SCAI: variants seen among roughly 807,000 people sequenced by gnomAD.
The protein encoded by SCAI is protein SCAI.
A neutral mutation model predicts 92.2 loss-of-function variants in SCAI; 24 were observed. That is an observed-to-expected ratio of 0.26 (90% CI 0.19 to 0.37). The LOEUF is 0.37. Ranked by LOEUF, SCAI falls within the 10% of genes least tolerant of loss-of-function variation. The pLI, the probability that SCAI is intolerant of heterozygous loss-of-function variation, is 1.00. For missense variants in SCAI, 450 were observed against 736.2 expected, an observed-to-expected ratio of 0.61 and a Z score of 4.50; for synonymous variants, 261 against 258.6, an observed-to-expected ratio of 1.01 and a Z score of -0.09.
At chr9:125,104,419 C>T (rs1834734633) in intron 2 of SCAI, among the ~76,000 whole-genome samples, 1 of 152,122 alleles carries the variant, frequency 6.6e-6, no homozygotes, top group Non-Finnish European at 1.5e-5. Flanking sequence ...ATACCTTTGC[C>T]ACTGCTTATT....
chr9:125,073,191 G>A (rs998169189), intron 2 of SCAI, among the ~76,000 whole-genome samples: 5 of 124,326 alleles, frequency 4.0e-5, no homozygotes, highest in East Asian at 2.8e-4. Flanking sequence ...TGCAAGCTCC[G>A]CCTCCCGGGT....
intron 17 of SCAI, among the ~76,000 whole-genome samples, chr9:124,961,501 T>C (rs1831434090): frequency 6.6e-6 from 1 of 150,782 alleles, no homozygotes; most frequent in Non-Finnish European, 1.5e-5. Context: ...AATACAAAAA[T>C]TAGCTGGGCG....
At position 125,030,818 on chromosome 9, in the gene SCAI, G is replaced by A. The variant is rs555769206; in HGVS notation, c.231-1079C>T. ...CTATTAGCTACACTTAAAATACAAT[G>A]AGAAAAAGATGAACTCAGAAAAGAA... On this transcript the variant is annotated intron_variant, in intron 3 of 17. Transcript: ENST00000336505. Among the ~76,000 whole-genome samples the A allele has an allele frequency of 8.5e-5, 13 of 152,244 alleles. No individual in the cohort carries two copies. The East Asian group carries it at 1.2e-3, about 14-fold the overall frequency.
intron 2 of SCAI, among the ~76,000 whole-genome samples, chr9:125,115,100 C>T (rs1037938250): frequency 5.3e-5 from 8 of 151,604 alleles, no homozygotes; most frequent in African/African-American, 1.7e-4. Flanking sequence ...CAGCCGGGCG[C>T]GGTGGTTCAT....
At position 125,072,304 on chromosome 9, in the gene SCAI, A is replaced by G. The variant is rs536666749; in HGVS notation, c.99-16297T>C. Reference sequence around the variant, plus strand: ...CCCAATGTGCTGGGATTACAGGCGTAAGATAGTAGAGATTCTTATGCTGAG... The same window carrying G: ...CCCAATGTGCTGGGATTACAGGCGTGAGATAGTAGAGATTCTTATGCTGAG... On this transcript the variant is annotated intron_variant, in intron 2 of 17. Coordinates refer to ENST00000336505, the MANE Select transcript of SCAI (RefSeq NM_001144877.3). Among the ~76,000 whole-genome samples the G allele has an allele frequency of 6.6e-5, 10 of 152,218 alleles. No homozygotes were observed. The South Asian group carries it at 1.2e-3, about 19-fold the overall frequency.
intron 2 of SCAI, among the ~76,000 whole-genome samples, chr9:125,133,769 C>A (rs1835457263): frequency 1.3e-5 from 2 of 152,114 alleles, no homozygotes; most frequent in Admixed American, 1.3e-4. Flanking sequence ...AATCACAAGA[C>A]CAAGTATTGG....
intron 14 of SCAI, among the ~76,000 whole-genome samples, chr9:124,984,497 C>T (rs187901203): frequency 6.6e-6 from 1 of 152,182 alleles, no homozygotes; most frequent in Admixed American, 6.5e-5. Flanking sequence ...CAGGATGAGG[C>T]AGAGGAGGTA....
chr9:125,131,393 G>A (rs1835397679), intron 2 of SCAI, among the ~76,000 whole-genome samples: 1 of 145,618 alleles, frequency 6.9e-6, no homozygotes, highest in Non-Finnish European at 1.5e-5. Flanking sequence ...GGGCAACAGA[G>A]CAAGACTCCG....
At chr9:125,077,667 C>T (rs1054435978) in intron 2 of SCAI, among the ~76,000 whole-genome samples, 1 of 152,084 alleles carries the variant, frequency 6.6e-6, no homozygotes, top group East Asian at 1.9e-4. Flanking sequence ...TTTATTGGGG[C>T]TTTGTATATT....
At chr9:125,110,968 C>A (rs1406875999) in intron 2 of SCAI, among the ~76,000 whole-genome samples, 1 of 152,130 alleles carries the variant, frequency 6.6e-6, no homozygotes, top group Non-Finnish European at 1.5e-5. Flanking sequence ...TAAAAAAGAA[C>A]ACCAGTATTA....
At chr9:124,957,985 A>G (rs980229495) in intron 17 of SCAI, among the ~76,000 whole-genome samples, 2 of 152,146 alleles carry the variant, frequency 1.3e-5, no homozygotes, top group Admixed American at 6.6e-5. Context: ...GTCCAGCCAA[A>G]TAATTCAATT....
chr9:124,967,593 G>C (rs1831565912), intron 17 of SCAI, among the ~76,000 whole-genome samples: 1 of 151,750 alleles, frequency 6.6e-6, no homozygotes, highest in Non-Finnish European at 1.5e-5. Context: ...TCTTGTCATT[G>C]GAAGTTTTTT....
At chr9:125,119,757 A>C (rs1835120336) in intron 2 of SCAI, among the ~76,000 whole-genome samples, 1 of 152,242 alleles carries the variant, frequency 6.6e-6, no homozygotes, top group Non-Finnish European at 1.5e-5. Flanking sequence ...TAAACACTAC[A>C]TAAGCACTCA....
chr9:125,010,135 A>C lies in SCAI; in HGVS notation c.862-6565T>G, dbSNP rs112765389. ...GAAGACGGGTGATTTCTGCATTTCCATCTGAGGTACCGGGTTCATCTCACT... is the reference window on the plus strand; with the variant it reads ...GAAGACGGGTGATTTCTGCATTTCCCTCTGAGGTACCGGGTTCATCTCACT... On this transcript the variant is annotated intron_variant, in intron 9 of 17. Transcript: ENST00000336505. Among the ~76,000 whole-genome samples, 15 of 152,308 alleles carry C rather than the reference A, an allele frequency of 9.8e-5. 1 individual carries two copies. The highest frequency in any genetic ancestry group is 3.6e-4 in the African/African-American group (15 of 41,574).
In SCAI at chr9:125,104,424, C is replaced by T. The variant is rs1834734745; in HGVS notation, c.98+38209G>A. 3.9e-5 allele frequency among the ~76,000 whole-genome samples: 6 copies of T among 152,178 alleles called. No individual in the cohort carries two copies. In the South Asian group the frequency reaches 1.0e-3, roughly 26 times the overall value. On this transcript the variant is annotated intron_variant, in intron 2 of 17. Coordinates refer to ENST00000336505, the MANE Select transcript of SCAI (RefSeq NM_001144877.3). ...GTTTATAGTTATACCTTTGCCACTG[C>T]TTATTCTTAACTCTAGCCTTTAACT... is the stretch of plus-strand genomic sequence containing the variant.
chr9:125,114,840 C>T (rs570168577), intron 2 of SCAI, among the ~76,000 whole-genome samples: 3 of 141,908 alleles, frequency 2.1e-5, no homozygotes, highest in African/African-American at 7.9e-5. Context: ...GTGGCATGAT[C>T]TCAGCTCACT....
chr9:125,013,740 A>T (rs1390388644), intron 9 of SCAI, among the ~76,000 whole-genome samples: 1 of 152,234 alleles, frequency 6.6e-6, no homozygotes, highest in African/African-American at 2.4e-5. Context: ...AGAGAATTTT[A>T]GACCAATATC....
intron 2 of SCAI, among the ~76,000 whole-genome samples, chr9:125,111,545 C>A (rs1564418177): frequency 6.7e-6 from 1 of 149,440 alleles, no homozygotes; most frequent in Non-Finnish European, 1.5e-5. Flanking sequence ...CATTATGAGA[C>A]TTTTTTTGTG....
intron 2 of SCAI, among the ~76,000 whole-genome samples, chr9:125,104,769 A>G (rs897678603): frequency 2.0e-5 from 3 of 151,912 alleles, no homozygotes; most frequent in Non-Finnish European, 4.4e-5. Context: ...AAAACAAACA[A>G]ACAAACTACA....
Sources: allele counts gnomAD v4.1 joint callset (sites outside exome capture counted in the v4.1 genomes callset), GRCh38; gene constraint gnomAD v4.1.1; transcripts MANE v1.5; gene names NCBI Gene and HGNC (gene_info 2026-07-23, HGNC 2026-07-21).